KIF2A: variants seen among roughly 807,000 people sequenced by gnomAD.
The protein encoded by KIF2A is kinesin family member 2A.
KIF2A carries 22 observed loss-of-function variants against 100.2 expected under a neutral mutation model. The ratio of observed to expected loss-of-function variants is 0.22; its 90% CI spans 0.16 to 0.31. The LOEUF (loss-of-function observed/expected upper bound fraction) is 0.31. Among genes scored for constraint, KIF2A ranks in the 10% least tolerant of loss-of-function variants. The probability of loss-of-function intolerance (pLI) is 1.00; values close to 1 mark genes in which losing one functional copy is unlikely to be tolerated. For missense variants in KIF2A, 495 were observed against 898.7 expected (o/e 0.55, Z 5.74); for synonymous variants, 268 against 285.9 (o/e 0.94, Z 0.63).
Position 62,385,571 on chromosome 5 carries a change from C to T in KIF2A, c.*2C>T. ...CCGAAGAGACCCCGTGCCCTTTAAA[C>T]CGGCATTTGCTGCTAAAGGATACCC... On this transcript the variant is annotated 3_prime_UTR_variant, in exon 21 of 21. Coordinates refer to ENST00000407818, the MANE Select transcript of KIF2A (RefSeq NM_001098511.3). 1.3e-6 allele frequency: 2 copies of T among 1,579,456 alleles called. No individual in the cohort carries two copies. Among genetic ancestry groups the T allele is most frequent in the Non-Finnish European group, 1.7e-6 (2 of 1,161,002 alleles).
rs1387852283 is a variant in KIF2A, at chr5:62,363,896, C to T, written c.1464C>T (p.Leu488=). 1.2e-6 allele frequency: 2 copies of T among 1,601,392 alleles called. No individual in the cohort carries two copies. The highest frequency in any genetic ancestry group is 1.1e-5 in the South Asian group (1 of 89,034). Reference sequence around the variant, plus strand: ...AAATTAATAAAAGCCTTTTAGCACTCAAGGTAAATAAAATGTATTTTATCA... The same window carrying T: ...AAATTAATAAAAGCCTTTTAGCACTTAAGGTAAATAAAATGTATTTTATCA... ...GAEINKSLLA[L]KECIRALGRN... The change falls in exon 14 of 21, where the codon CTC becomes CTT. Residue 488 remains leucine, a synonymous_variant. Transcript: ENST00000407818.
chr5:62,388,759 G>T lies in KIF2A; in HGVS notation c.*3190G>T, dbSNP rs1039998527. On this transcript the variant is annotated 3_prime_UTR_variant, in exon 21 of 21. Coordinates refer to ENST00000407818, the MANE Select transcript of KIF2A (RefSeq NM_001098511.3). ...AGAAATGATAAGTGTAAAGTTGTGC[G>T]TCTCTGCGGCTCCTGAACTTGAAGA... The T allele has an allele frequency of 8.0e-6, 4 of 500,064 alleles. No individual in the cohort carries two copies. Among genetic ancestry groups the T allele is most frequent in the Non-Finnish European group, 1.4e-5 (4 of 279,266 alleles). 31.0% of individuals were successfully genotyped at this position (500,064 alleles called of 1,614,324 possible).
intron 1 of KIF2A, among the ~76,000 whole-genome samples, chr5:62,344,116 C>A (rs530903898): frequency 6.6e-6 from 1 of 152,014 alleles, no homozygotes; most frequent in East Asian, 1.9e-4. Context: ...GAGGCTGAGG[C>A]GGGCAGATCA....
intron 1 of KIF2A, among the ~76,000 whole-genome samples, chr5:62,321,077 A>G (rs1216801320): frequency 2.0e-5 from 3 of 152,218 alleles, no homozygotes; most frequent in African/African-American, 4.8e-5. Context: ...AGCATAATCC[A>G]TACTCAAGTT....
At chr5:62,379,277 T>C (rs1306997866) in intron 19 of KIF2A, among the ~76,000 whole-genome samples, 1 of 152,188 alleles carries the variant, frequency 6.6e-6, no homozygotes, top group Non-Finnish European at 1.5e-5. Context: ...CAATTCTCTA[T>C]ATCATTCCTC....
At chr5:62,351,386 G>A (rs1580061069) in intron 4 of KIF2A, among the ~76,000 whole-genome samples, 1 of 152,066 alleles carries the variant, frequency 6.6e-6, no homozygotes, top group African/African-American at 2.4e-5. Flanking sequence ...GAGTCAATTA[G>A]TTGGCTGATT....
At chr5:62,311,135 A>G (rs1034566226) in intron 1 of KIF2A, among the ~76,000 whole-genome samples, 8 of 152,234 alleles carry the variant, frequency 5.3e-5, no homozygotes, top group African/African-American at 1.7e-4. Context: ...CCAGATCACC[A>G]TAAGTGACTT....
intron 16 of KIF2A, among the ~76,000 whole-genome samples, chr5:62,370,333 A>C (rs1333264339): frequency 6.6e-6 from 1 of 152,058 alleles, no homozygotes; most frequent in Admixed American, 6.6e-5. Flanking sequence ...TTGCTATGTC[A>C]CCCAGGCTGG....
chr5:62,362,085 T>G (rs890663358), intron 11 of KIF2A, among the ~76,000 whole-genome samples: 13 of 151,734 alleles, frequency 8.6e-5, no homozygotes, highest in Non-Finnish European at 1.8e-4. Flanking sequence ...AAATCTTGAT[T>G]ATATTTGTCA....
chr5:62,309,033 T>C (rs1002183951), intron 1 of KIF2A, among the ~76,000 whole-genome samples: 23 of 152,196 alleles, frequency 1.5e-4, no homozygotes, highest in Non-Finnish European at 1.5e-5. Flanking sequence ...AAAATTAGGG[T>C]GCAATAAAAT....
At chr5:62,332,142 T>A (rs1313942755) in intron 1 of KIF2A, among the ~76,000 whole-genome samples, 1 of 152,246 alleles carries the variant, frequency 6.6e-6, no homozygotes, top group Non-Finnish European at 1.5e-5. Flanking sequence ...GATCCTGTTT[T>A]CAGAGACCAA....
intron 1 of KIF2A, among the ~76,000 whole-genome samples, chr5:62,324,609 A>G (rs1746269763): frequency 6.6e-6 from 1 of 152,206 alleles, no homozygotes. Flanking sequence ...AGCAACGGGG[A>G]AAGGACTCCT....
At chr5:62,373,466 GATATA>G (rs1317124935) in intron 17 of KIF2A, among the ~76,000 whole-genome samples, 14 of 151,806 alleles carry the variant, frequency 9.2e-5, no homozygotes, top group East Asian at 1.9e-4. Context: ...AATTATATTT[GATATA>G]ATATAATATG....
Position 62,324,025 on chromosome 5 carries a change from C to A in KIF2A, c.64+17489C>A, listed in dbSNP as rs1488371629. 2.3e-5 allele frequency among the ~76,000 whole-genome samples: 3 copies of A among 128,574 alleles called. No homozygotes were observed. In the Admixed American group the frequency reaches 2.5e-4, roughly 11 times the overall value. 84.3% of individuals were successfully genotyped at this position (128,574 alleles called of 152,430 possible). On this transcript the variant is annotated intron_variant, in intron 1 of 20. Coordinates refer to ENST00000407818, the MANE Select transcript of KIF2A (RefSeq NM_001098511.3). Reference sequence around the variant, plus strand: ...CTCCAGCCTGGGTAACAGAGGGAAACCCTGTCTCAAAAAAAATAAAATAAA... The same window carrying A: ...CTCCAGCCTGGGTAACAGAGGGAAAACCTGTCTCAAAAAAAATAAAATAAA...
chr5:62,307,070 G>A lies in KIF2A; in HGVS notation c.64+534G>A, dbSNP rs181477023. 605 of 152,610 alleles carry A rather than the reference G, an allele frequency of 4.0e-3. 3 individuals are homozygous for A. Among genetic ancestry groups the A allele is most frequent in the Admixed American group, 8.6e-3 (131 of 15,286 alleles). 9.5% of individuals were successfully genotyped at this position (152,610 alleles called of 1,614,324 possible). On this transcript the variant is annotated intron_variant, in intron 1 of 20. Coordinates refer to ENST00000407818, the MANE Select transcript of KIF2A (RefSeq NM_001098511.3). ...GCCAGTTCCGTCGCCTTAAACTGCC[G>A]TCTGGTTGTCAGGCCTCCCCGGTTT...
Position 62,363,702 on chromosome 5 carries a change from G to A in KIF2A, c.1270G>A (p.Gly424Ser), listed in dbSNP as rs1242069125. Residue 424 changes from glycine (G) to serine (S), a missense_variant, in exon 14 of 21, where the codon GGT (glycine) becomes AGT (serine). By Grantham distance (56) the Gly-to-Ser change is moderately conservative (BLOSUM62 0). Transcript: ENST00000407818. ...TCCTTAATCACATTGTAGAACATCC[G>A]GTCAAACATCTGCAAATGCACATTC... ...IDIGNSCRTS[G>S]QTSANAHSSR... The A allele has an allele frequency of 3.1e-6, 5 of 1,613,296 alleles. No individual in the cohort carries two copies. The highest frequency in any genetic ancestry group is 1.7e-5 in the Admixed American group (1 of 59,988).
In KIF2A at chr5:62,358,134, T is replaced by C. The variant is rs1424473514; in HGVS notation, c.710-3T>C. On this transcript the variant is annotated splice_polypyrimidine_tract_variant and splice_region_variant and intron_variant, in intron 8 of 20. Transcript: ENST00000407818. Reference sequence around the variant, plus strand: ...GGGCATTGATTTTCATTTATTCTTTTAGAAACTCAAATGAAAGATCTTGAT... The same window carrying C: ...GGGCATTGATTTTCATTTATTCTTTCAGAAACTCAAATGAAAGATCTTGAT... The C allele has an allele frequency of 5.2e-6, 8 of 1,546,180 alleles. No homozygotes were observed. Among genetic ancestry groups the C allele is most frequent in the Non-Finnish European group, 6.9e-6 (8 of 1,151,302 alleles).
At chr5:62,315,372 T>C (rs762280860) in intron 1 of KIF2A, among the ~76,000 whole-genome samples, 6 of 152,128 alleles carry the variant, frequency 3.9e-5, no homozygotes, top group Non-Finnish European at 7.3e-5. Flanking sequence ...AACATACTGA[T>C]GAAGCTTAAC....
At chr5:62,381,831 G>A (rs1332857724) in intron 20 of KIF2A, among the ~76,000 whole-genome samples, 2 of 152,194 alleles carry the variant, frequency 1.3e-5, no homozygotes, top group East Asian at 1.9e-4. Flanking sequence ...CCAAAATGGC[G>A]GGATTACAGG....
Sources: gnomAD v4.1 joint callset for allele counts (sites outside exome capture counted in the v4.1 genomes callset) on GRCh38, gnomAD v4.1.1 for gene constraint, MANE v1.5 for transcripts, NCBI Gene and HGNC (gene_info 2026-07-23, HGNC 2026-07-21) for gene names.